ALG14: variants seen among roughly 807,000 people sequenced by gnomAD.
ALG14 encodes the protein UDP-N-acetylglucosamine transferase subunit ALG14.
In ALG14, 17 loss-of-function variants were observed where a neutral mutation model predicts 22.8. The observed-to-expected ratio is 0.75, with a 90% CI of 0.51 to 1.12. The LOEUF (loss-of-function observed/expected upper bound fraction) is 1.12. Ranked by LOEUF, ALG14 falls within the 50% of genes most tolerant of loss-of-function variation. The probability of loss-of-function intolerance (pLI) is 0.00; values close to 1 mark genes in which losing one functional copy is unlikely to be tolerated. For missense variants in ALG14, 288 were observed against 271.8 expected, an observed-to-expected ratio of 1.06 and a Z score of -0.42; for synonymous variants, 89 against 103.7, an observed-to-expected ratio of 0.86 and a Z score of 0.86.
At chr1:94,994,056 A>C (rs1056620644) in intron 3 of ALG14, among the ~76,000 whole-genome samples, 1 of 152,152 alleles carries the variant, frequency 6.6e-6, no homozygotes, top group Non-Finnish European at 1.5e-5. Flanking sequence ...ATAAATAAAG[A>C]CCTAAACATT....
chr1:95,001,122 C>T (rs1462926097), intron 3 of ALG14, among the ~76,000 whole-genome samples: 3 of 152,162 alleles, frequency 2.0e-5, no homozygotes, highest in Non-Finnish European at 2.9e-5. Flanking sequence ...CTCCTGTTTC[C>T]GTGGAGGGAA....
At chr1:95,044,221 C>T (rs556698287) in intron 2 of ALG14, among the ~76,000 whole-genome samples, 1 of 152,278 alleles carries the variant, frequency 6.6e-6, no homozygotes, top group South Asian at 2.1e-4. Context: ...TTATCTCTTG[C>T]TGGGATTTCT....
At chr1:94,988,252 G>A (rs1230577455) in intron 3 of ALG14, among the ~76,000 whole-genome samples, 1 of 152,248 alleles carries the variant, frequency 6.6e-6, no homozygotes, top group Non-Finnish European at 1.5e-5. Context: ...AAGAGAAGAA[G>A]CTTGGCTGTA....
At position 94,974,412 on chromosome 1, in the gene ALG14, T is replaced by G. The variant is rs1421853844; in HGVS notation, c.*8664A>C. ...ATATATGTAACACATGACTTCTGTT[T>G]AAATGCTCAAGTTTATTAGAGTGGA... On this transcript the variant is annotated 3_prime_UTR_variant, in exon 4 of 4. Coordinates refer to ENST00000370205, the MANE Select transcript of ALG14 (RefSeq NM_144988.4). 1 of 152,182 alleles carries G rather than the reference T, an allele frequency of 6.6e-6. No individual in the cohort carries two copies. The highest frequency in any genetic ancestry group is 2.4e-5 in the African/African-American group (1 of 41,450). The allele number at this position is 152,182 out of a possible 1,614,324, so 9.4% of individuals were successfully genotyped here.
chr1:95,048,056 T>C (rs1275377430), intron 2 of ALG14, among the ~76,000 whole-genome samples: 1 of 152,202 alleles, frequency 6.6e-6, no homozygotes, highest in Non-Finnish European at 1.5e-5. Flanking sequence ...CCACTCATAG[T>C]CCTGCCACAG....
chr1:95,026,197 G>A (rs955437655), intron 3 of ALG14, among the ~76,000 whole-genome samples: 1 of 152,134 alleles, frequency 6.6e-6, no homozygotes, highest in Admixed American at 6.5e-5. Flanking sequence ...CTCCCAAAGG[G>A]CTGGGATTAC....
At chr1:95,026,498 G>GTT (rs1673821560) in intron 3 of ALG14, among the ~76,000 whole-genome samples, 2 of 150,746 alleles carry the variant, frequency 1.3e-5, no homozygotes. Flanking sequence ...GTGTGTGTGT[G>GTT]TGTGTATGTG....
At chr1:94,998,163 A>G (rs1271608814) in intron 3 of ALG14, among the ~76,000 whole-genome samples, 1 of 152,226 alleles carries the variant, frequency 6.6e-6, no homozygotes, top group Non-Finnish European at 1.5e-5. Context: ...TAGACAGTCT[A>G]TTCTAGGGCA....
chr1:95,033,446 TAC>T (rs1389557266), intron 2 of ALG14, among the ~76,000 whole-genome samples: 2 of 136,294 alleles, frequency 1.5e-5, no homozygotes, highest in African/African-American at 2.9e-5. Context: ...CACACACACA[TAC>T]ATATATATAC....
chr1:94,990,481 A>T (rs1290515555), intron 3 of ALG14, among the ~76,000 whole-genome samples: 1 of 152,212 alleles, frequency 6.6e-6, no homozygotes, highest in Non-Finnish European at 1.5e-5. Flanking sequence ...CTATCTATGA[A>T]CCCAAGGTCT....
intron 3 of ALG14, among the ~76,000 whole-genome samples, chr1:94,996,436 C>T (rs1672910686): frequency 6.6e-6 from 1 of 152,214 alleles, no homozygotes; most frequent in Non-Finnish European, 1.5e-5. Context: ...GCCAATCTCT[C>T]TCATCCTGCT....
chr1:94,999,384 G>T (rs1384301365), intron 3 of ALG14, among the ~76,000 whole-genome samples: 1 of 142,316 alleles, frequency 7.0e-6, no homozygotes, highest in East Asian at 2.0e-4. Context: ...CTGAAATGAG[G>T]CTTCAAGTGC....
At chr1:95,026,648 G>A (rs1673828164) in intron 3 of ALG14, among the ~76,000 whole-genome samples, 1 of 139,766 alleles carries the variant, frequency 7.2e-6, no homozygotes, top group African/African-American at 2.9e-5. Context: ...CTGGTCACAG[G>A]CCAGGCGCAG....
chr1:95,021,580 G>C (rs1292265942), intron 3 of ALG14, among the ~76,000 whole-genome samples: 1 of 152,154 alleles, frequency 6.6e-6, no homozygotes, highest in Non-Finnish European at 1.5e-5. Context: ...ATTTTCAAGT[G>C]CTATACAAAT....
intron 3 of ALG14, among the ~76,000 whole-genome samples, chr1:94,999,797 G>A (rs578171677): frequency 6.6e-6 from 1 of 152,282 alleles, no homozygotes; most frequent in South Asian, 2.1e-4. Context: ...CTCCTACTAT[G>A]ATACATTTCT....
intron 1 of ALG14, among the ~76,000 whole-genome samples, chr1:95,069,148 C>A (rs192107462): frequency 6.6e-6 from 1 of 152,260 alleles, no homozygotes; most frequent in East Asian, 1.9e-4. Flanking sequence ...TCAAGACATT[C>A]TTTTGACAAT....
intron 3 of ALG14, among the ~76,000 whole-genome samples, chr1:95,007,293 C>T (rs1673244872): frequency 6.6e-6 from 1 of 152,160 alleles, no homozygotes; most frequent in South Asian, 2.1e-4. Flanking sequence ...TTTTTATTTG[C>T]TGATAGCATC....
chr1:95,029,753 G>A (rs757579634), intron 2 of ALG14, among the ~76,000 whole-genome samples: 18 of 152,212 alleles, frequency 1.2e-4, no homozygotes, highest in Non-Finnish European at 2.4e-4. Flanking sequence ...TCAGCAAAAA[G>A]TGAAAATGGA....
At chr1:95,011,599 T>A (rs1673364777) in intron 3 of ALG14, among the ~76,000 whole-genome samples, 1 of 152,024 alleles carries the variant, frequency 6.6e-6, no homozygotes, top group African/African-American at 2.4e-5. Context: ...CTAATTTTTC[T>A]TGTATTTTTA....
Sources: allele counts gnomAD v4.1 joint callset (sites outside exome capture counted in the v4.1 genomes callset), GRCh38; gene constraint gnomAD v4.1.1; transcripts MANE v1.5; gene names NCBI Gene and HGNC (gene_info 2026-07-23, HGNC 2026-07-21).